Variants in ATP2B4 observed in about 807,000 individuals in gnomAD.
ATP2B4 encodes the protein ATPase plasma membrane Ca2+ transporting 4.
ATP2B4 carries 39 observed loss-of-function variants against 110.3 expected under a neutral mutation model. The ratio of observed to expected loss-of-function variants is 0.35; its 90% CI spans 0.27 to 0.46. The LOEUF (loss-of-function observed/expected upper bound fraction) is 0.46. Among genes scored for constraint, ATP2B4 ranks in the 20% least tolerant of loss-of-function variants. The probability of loss-of-function intolerance (pLI) is 1.00; values close to 1 mark genes in which losing one functional copy is unlikely to be tolerated. For synonymous variants in ATP2B4, 538 were observed against 571.7 expected (o/e 0.94, Z 0.84); for missense variants, 1,135 against 1,530.9 (o/e 0.74, Z 4.32).
At chr1:203,650,146 G>C (rs1663934193) in intron 1 of ATP2B4, among the ~76,000 whole-genome samples, 1 of 152,224 alleles carries the variant, frequency 6.6e-6, no homozygotes, top group South Asian at 2.1e-4. Flanking sequence ...TTGATCAATA[G>C]ACATTTATCA....
intron 20 of ATP2B4, among the ~76,000 whole-genome samples, chr1:203,739,324 G>T (rs138551058): frequency 6.6e-6 from 1 of 151,906 alleles, no homozygotes; most frequent in African/African-American, 2.4e-5. Flanking sequence ...AAACGTCCTA[G>T]TTGCCGTCAC....
intron 7 of ATP2B4, among the ~76,000 whole-genome samples, chr1:203,703,416 A>G (rs1387696591): frequency 1.3e-5 from 2 of 152,194 alleles, no homozygotes; most frequent in Non-Finnish European, 2.9e-5. Context: ...GAAGAAATCC[A>G]TACCCTAAAA....
At chr1:203,708,568 A>G (rs1345280992) in intron 10 of ATP2B4, among the ~76,000 whole-genome samples, 2 of 152,144 alleles carry the variant, frequency 1.3e-5, no homozygotes, top group African/African-American at 2.4e-5. Context: ...ACCCTTGAAA[A>G]ACAACAGGCT....
chr1:203,664,645 G>C (rs1256179532), intron 1 of ATP2B4, among the ~76,000 whole-genome samples: 1 of 152,096 alleles, frequency 6.6e-6, no homozygotes, highest in Non-Finnish European at 1.5e-5. Context: ...GCAGGAGCCT[G>C]GCCCGGGTGC....
At chr1:203,726,422 T>C (rs1419655251) in intron 19 of ATP2B4, among the ~76,000 whole-genome samples, 4 of 108,336 alleles carry the variant, frequency 3.7e-5, no homozygotes, top group Admixed American at 3.3e-4. Context: ...TTGGTGAAGA[T>C]TTCTTTTTTT....
At chr1:203,641,865 T>C (rs994732785) in intron 1 of ATP2B4, among the ~76,000 whole-genome samples, 7 of 152,218 alleles carry the variant, frequency 4.6e-5, no homozygotes, top group Non-Finnish European at 7.3e-5. Flanking sequence ...GCCTTGCTCA[T>C]TGATATATCC....
At chr1:203,643,290 G>A (rs921850435) in intron 1 of ATP2B4, among the ~76,000 whole-genome samples, 4 of 152,308 alleles carry the variant, frequency 2.6e-5, no homozygotes, top group Admixed American at 6.5e-5. Flanking sequence ...TGGGAGTAGC[G>A]GCTGTAGAAG....
chr1:203,689,695 G>A (rs61825628), intron 2 of ATP2B4, among the ~76,000 whole-genome samples: 130 of 152,218 alleles, frequency 8.5e-4, no homozygotes, highest in Non-Finnish European at 1.7e-3. Flanking sequence ...AGGTGCTAGG[G>A]ACACAAGGGT....
At position 203,707,927 on chromosome 1, in the gene ATP2B4, C is replaced by T. The variant is rs762715419; in HGVS notation, c.1380C>T (p.Thr460=). Residue 460 remains threonine, a synonymous_variant, in exon 10 of 21, where the codon ACC becomes ACT. Coordinates refer to ENST00000357681, the MANE Select transcript of ATP2B4 (RefSeq NM_001684.5). The stretch of plus-strand genomic sequence containing the variant: ...CTTGTGAGACCATGGGCAACGCCAC[C>T]GCCATCTGCTCTGATAAGACAGGCA... ...LDACETMGNA[T]AICSDKTGTL... is the part of the protein sequence containing the mutation. 15 of 1,614,064 alleles carry T rather than the reference C, an allele frequency of 9.3e-6. No homozygotes were observed. Among genetic ancestry groups the T allele is most frequent in the African/African-American group, 2.7e-5 (2 of 74,922 alleles).
At chr1:203,677,909 C>T (rs11240723) in intron 1 of ATP2B4, among the ~76,000 whole-genome samples, 48,062 of 152,174 alleles carry the variant, frequency 0.32, 9,387 homozygotes, top group Non-Finnish European at 0.43. Context: ...CAAGTGCTAC[C>T]GGCTTGCTCC....
At chr1:203,686,024 G>A (rs957206446) in intron 2 of ATP2B4, among the ~76,000 whole-genome samples, 2 of 150,436 alleles carry the variant, frequency 1.3e-5, no homozygotes, top group Non-Finnish European at 3.0e-5. Flanking sequence ...AAAAAACCCT[G>A]GGTAAGGTGG....
chr1:203,703,708 A>T lies in ATP2B4; in HGVS notation c.994A>T (p.Ile332Phe). ...EIQPLNSQEG[I>F]DNEEKDKKAV... ...CCAGCCACTCAACAGCCAGGAGGGA[A>T]TCGACAATGAGGAAAAGGACAAGAA... Residue 332 changes from isoleucine to phenylalanine, a missense_variant, in exon 8 of 21, where the codon ATC (isoleucine) becomes TTC (phenylalanine). Transcript: ENST00000357681. 6.2e-7 allele frequency: 1 copy of T among 1,614,148 alleles called. No homozygotes were observed. The highest frequency in any genetic ancestry group is 8.5e-7 in the Non-Finnish European group (1 of 1,179,996).
chr1:203,631,994 G>A (rs1435989294), intron 1 of ATP2B4, among the ~76,000 whole-genome samples: 1 of 151,884 alleles, frequency 6.6e-6, no homozygotes, highest in African/African-American at 2.4e-5. Context: ...GGGTTTCACC[G>A]TGTTGCCCAG....
Position 203,739,835 on chromosome 1 carries a change from G to A in ATP2B4, c.3599G>A (p.Ser1200Asn), listed in dbSNP as rs771169484. ...CCCCAGTCGGACAGCTCTCTACAGA[G>A]CCTAGAGACATCAGTTTGAATTTTC... ...QLPQSDSSLQSLETSV is the reference protein window; with the variant it reads ...QLPQSDSSLQNLETSV Residue 1200 changes from serine (S) to asparagine (N), a missense_variant, in exon 21 of 21, where the codon AGC becomes AAC. Ser to Asn is a conservative substitution (Grantham distance 46). This residue lies in a region of ATP2B4 where 92 missense variants were observed against 82.5 expected (regional missense o/e 1.11). Coordinates refer to ENST00000357681, the MANE Select transcript of ATP2B4 (RefSeq NM_001684.5). 8.7e-6 allele frequency: 14 copies of A among 1,607,184 alleles called. No individual in the cohort carries two copies. Among genetic ancestry groups the A allele is most frequent in the Non-Finnish European group, 1.2e-5 (14 of 1,176,142 alleles).
chr1:203,676,348 C>A (rs1362189785), intron 1 of ATP2B4, among the ~76,000 whole-genome samples: 1 of 151,988 alleles, frequency 6.6e-6, no homozygotes, highest in Non-Finnish European at 1.5e-5. Context: ...GGCTGCCAGA[C>A]CTGAGGGATT....
At chr1:203,685,989 G>T (rs1571721367) in intron 2 of ATP2B4, among the ~76,000 whole-genome samples, 1 of 148,764 alleles carries the variant, frequency 6.7e-6, no homozygotes, top group African/African-American at 2.5e-5. Context: ...CATTTCATTT[G>T]CTCACTTCTT....
At chr1:203,712,168 C>T in intron 13 of ATP2B4, 29 bp downstream of exon 13, 1 of 1,607,118 alleles carries the variant, frequency 6.2e-7, no homozygotes. Context: ...GAACCAGGAC[C>T]TCACCTGACA....
chr1:203,726,425 C>CTTT (rs71861339), intron 19 of ATP2B4, among the ~76,000 whole-genome samples: 4 of 145,098 alleles, frequency 2.8e-5, no homozygotes, highest in Admixed American at 6.8e-5. Context: ...GTGAAGATTT[C>CTTT]TTTTTTTTTT....
chr1:203,653,983 ATATTT>A (rs1435636173), intron 1 of ATP2B4, among the ~76,000 whole-genome samples: 16 of 14,634 alleles, frequency 1.1e-3, no homozygotes, highest in African/African-American at 2.6e-3. Flanking sequence ...ATATATATAT[ATATTT>A]TTTTTTTTTT....
Sources: gnomAD v4.1 joint callset for allele counts (sites outside exome capture counted in the v4.1 genomes callset) on GRCh38, gnomAD v4.1.1 for gene constraint, gnomAD v4.1.1 regional missense constraint, MANE v1.5 for transcripts, NCBI Gene and HGNC (gene_info 2026-07-23, HGNC 2026-07-21) for gene names.